Variants in RPH3A observed in about 807,000 individuals in gnomAD.
RPH3A encodes the protein rabphilin-3A.
In RPH3A, 48 loss-of-function variants were observed where a neutral mutation model predicts 102.2. The observed-to-expected ratio is 0.47, with a 90% CI of 0.37 to 0.60. The LOEUF (loss-of-function observed/expected upper bound fraction) is 0.60. RPH3A is among the 20% of genes least tolerant of loss of function. The probability of loss-of-function intolerance (pLI) is 0.00; values close to 1 mark genes in which losing one functional copy is unlikely to be tolerated. For missense variants in RPH3A, 781 were observed against 910.1 expected (o/e 0.86, Z 1.83); for synonymous variants, 310 against 324.3 (o/e 0.96, Z 0.47).
At chr12:112,622,044 G>A (rs368349220) in intron 1 of RPH3A, among the ~76,000 whole-genome samples, 29 of 150,480 alleles carry the variant, frequency 1.9e-4, no homozygotes, top group East Asian at 5.9e-4. Flanking sequence ...CATCCACACC[G>A]AAAACCCATC....
intron 1 of RPH3A, among the ~76,000 whole-genome samples, chr12:112,695,581 G>T (rs1195199993): frequency 1.3e-5 from 2 of 152,194 alleles, no homozygotes; most frequent in African/African-American, 2.4e-5. Context: ...TGACTTTGTT[G>T]CTTGGCTGTG....
chr12:112,783,089 A>T (rs1272558086), intron 1 of RPH3A, among the ~76,000 whole-genome samples: 2 of 152,100 alleles, frequency 1.3e-5, no homozygotes, highest in Non-Finnish European at 2.9e-5. Flanking sequence ...TTTCTGTAGC[A>T]CTTGTCACTG....
At chr12:112,861,765 G>A (rs973256835) in intron 5 of RPH3A, among the ~76,000 whole-genome samples, 3 of 152,202 alleles carry the variant, frequency 2.0e-5, no homozygotes, top group African/African-American at 4.8e-5. Context: ...TGTAATCCCA[G>A]CACTTTGGGA....
intron 16 of RPH3A, among the ~76,000 whole-genome samples, chr12:112,884,992 T>G (rs2042981074): frequency 6.6e-6 from 1 of 152,270 alleles, no homozygotes. Flanking sequence ...TGTATCTATA[T>G]TCTTTCATTT....
chr12:112,678,551 G>A (rs988393557), intron 1 of RPH3A, among the ~76,000 whole-genome samples: 3 of 151,986 alleles, frequency 2.0e-5, no homozygotes, highest in African/African-American at 7.3e-5. Context: ...GCCACGGAGG[G>A]TTTTCTATCA....
At chr12:112,604,705 TC>T (rs1301576047) in intron 1 of RPH3A, among the ~76,000 whole-genome samples, 1 of 152,188 alleles carries the variant, frequency 6.6e-6, no homozygotes, top group African/African-American at 2.4e-5. Flanking sequence ...GCTGAAGGCC[TC>T]TCATGAGGTT....
In RPH3A at chr12:112,679,159, CT is replaced by C. The variant is rs879692320; in HGVS notation, c.-140+103852del. ...CTCTGGAGTTCCTTTACTTACCACA[CT>C]TTTTTTTTTTTGAGACGGAGTCTCA... On this transcript the variant is annotated intron_variant, in intron 1 of 21. Coordinates refer to the RPH3A transcript ENST00000543106. 5.3e-3 allele frequency among the ~76,000 whole-genome samples: 777 copies of C among 146,576 alleles called. 5 individuals are homozygous for C. The highest frequency in any genetic ancestry group is 0.016 in the African/African-American group (653 of 40,278).
chr12:112,754,277 CTG>C (rs1045883986), intron 1 of RPH3A, among the ~76,000 whole-genome samples: 6 of 152,022 alleles, frequency 3.9e-5, no homozygotes, highest in Non-Finnish European at 5.9e-5. Flanking sequence ...ACACCCTCTT[CTG>C]TGTGTGTGTG....
chr12:112,704,448 G>A (rs1023276430), intron 1 of RPH3A, among the ~76,000 whole-genome samples: 4 of 152,168 alleles, frequency 2.6e-5, no homozygotes, highest in African/African-American at 9.7e-5. Flanking sequence ...CAGAGGGAAG[G>A]TGGCCCTTTG....
intron 1 of RPH3A, among the ~76,000 whole-genome samples, chr12:112,715,232 G>T (rs145247043): frequency 6.6e-6 from 1 of 152,088 alleles, no homozygotes; most frequent in African/African-American, 2.4e-5. Context: ...GTATTCACTT[G>T]CCTAGCTCCT....
intron 19 of RPH3A, chr12:112,892,875 G>T (rs967168164): frequency 6.6e-6 from 1 of 152,136 alleles, no homozygotes; most frequent in African/African-American, 2.4e-5. Context: ...TTAGTCCATG[G>T]CCAAAGAACA....
At position 112,825,713 on chromosome 12, in the gene RPH3A, A is replaced by G. The variant is rs7139170; in HGVS notation, c.-18-2588A>G. Reference sequence around the variant, plus strand: ...TCTATGCTAGTGTTGGAGATTAAGCAGTGAACAAAACGGAAAAAGTTCCGC... The same window carrying G: ...TCTATGCTAGTGTTGGAGATTAAGCGGTGAACAAAACGGAAAAAGTTCCGC... On this transcript the variant is annotated intron_variant, in intron 2 of 21. Transcript: ENST00000389385. Among the ~76,000 whole-genome samples the G allele has an allele frequency of 2.6e-5, 4 of 152,072 alleles. No individual in the cohort carries two copies. The South Asian group carries it at 8.3e-4, about 32-fold the overall frequency.
At chr12:112,621,931 C>T (rs1044927074) in intron 1 of RPH3A, among the ~76,000 whole-genome samples, 2 of 150,472 alleles carry the variant, frequency 1.3e-5, no homozygotes, top group African/African-American at 4.9e-5. Flanking sequence ...CTGGGAGGCA[C>T]CCCCCAGCAG....
intron 1 of RPH3A, among the ~76,000 whole-genome samples, chr12:112,598,323 G>T (rs573193583): frequency 3.9e-5 from 6 of 152,280 alleles, no homozygotes; most frequent in East Asian, 3.9e-4. Flanking sequence ...GAGAACAGAC[G>T]TTGTCAATTC....
At chr12:112,865,112 G>A (rs769750410) in intron 5 of RPH3A, among the ~76,000 whole-genome samples, 5 of 152,142 alleles carry the variant, frequency 3.3e-5, no homozygotes, top group African/African-American at 7.2e-5. Context: ...TAAATTTAAC[G>A]CTCAGAAGGC....
chr12:112,718,290 A>C lies in RPH3A; in HGVS notation c.-139-73853A>C, dbSNP rs529139630. On this transcript the variant is annotated intron_variant, in intron 1 of 21. Transcript: ENST00000543106. ...TCAGGTTGCATTAAGTTAAAAACAT[A>C]TTTAAATCCATATTTGGATTATGAA... is the stretch of plus-strand genomic sequence containing the variant. Among the ~76,000 whole-genome samples the C allele has an allele frequency of 2.0e-4, 30 of 152,378 alleles. 1 individual carries two copies. Among genetic ancestry groups the C allele is most frequent in the African/African-American group, 7.2e-4 (30 of 41,582 alleles).
chr12:112,868,292 TGTA>T, intron 7 of RPH3A, 135 bp from the exon 8 acceptor site: 3 of 824,006 alleles, frequency 3.6e-6, no homozygotes, highest in Non-Finnish European at 5.7e-6. Context: ...TGCAGGGCTC[TGTA>T]GTAATAATAA....
At chr12:112,733,489 T>C (rs1424615390) in intron 1 of RPH3A, among the ~76,000 whole-genome samples, 2 of 152,064 alleles carry the variant, frequency 1.3e-5, no homozygotes, top group Non-Finnish European at 2.9e-5. Flanking sequence ...CTTCAGCTTG[T>C]GATGCAGGCT....
At chr12:112,743,566 A>G (rs2040724560) in intron 1 of RPH3A, among the ~76,000 whole-genome samples, 1 of 152,194 alleles carries the variant, frequency 6.6e-6, no homozygotes, top group South Asian at 2.1e-4. Flanking sequence ...CAGCAGCCTC[A>G]TGGGGAATCG....
Sources: allele counts gnomAD v4.1 joint callset (sites outside exome capture counted in the v4.1 genomes callset), GRCh38; gene constraint gnomAD v4.1.1; transcripts MANE v1.5; gene names NCBI Gene and HGNC (gene_info 2026-07-23, HGNC 2026-07-21).